VPS13C: variants seen among roughly 807,000 people sequenced by gnomAD.
The protein encoded by VPS13C is intermembrane lipid transfer protein VPS13C.
Under a neutral mutation model 456.8 loss-of-function variants are expected in VPS13C, and 358 were observed. That is an observed-to-expected ratio of 0.78 (90% CI 0.72 to 0.86). The LOEUF (loss-of-function observed/expected upper bound fraction) is 0.86. VPS13C is among the 40% of genes least tolerant of loss of function. VPS13C has a pLI of 0.00. For missense variants in VPS13C, 4,818 were observed against 4,385.4 expected (o/e 1.10, Z -2.79); for synonymous variants, 1,578 against 1,486.7 (o/e 1.06, Z -1.41).
chr15:62,028,766 T>C (rs1209647403), intron 5 of VPS13C, among the ~76,000 whole-genome samples: 3 of 152,108 alleles, frequency 2.0e-5, no homozygotes, highest in African/African-American at 7.2e-5. Flanking sequence ...TTGCATGCCA[T>C]TTTGTCCATT....
chr15:61,928,860 G>A (rs1219570314), intron 51 of VPS13C, among the ~76,000 whole-genome samples: 1 of 151,554 alleles, frequency 6.6e-6, no homozygotes, highest in Non-Finnish European at 1.5e-5. Flanking sequence ...CTCCAGCCTG[G>A]GTGATACAGT....
At chr15:62,022,719 T>C (rs537520045) in intron 8 of VPS13C, among the ~76,000 whole-genome samples, 3 of 152,020 alleles carry the variant, frequency 2.0e-5, no homozygotes, top group South Asian at 2.1e-4. Context: ...ACAAAAAGAA[T>C]GCAAACTCAT....
chr15:62,040,360 T>C (rs2048199344), intron 3 of VPS13C, among the ~76,000 whole-genome samples: 1 of 152,160 alleles, frequency 6.6e-6, no homozygotes, highest in Non-Finnish European at 1.5e-5. Flanking sequence ...AATTACATTA[T>C]TTGTAACACA....
intron 8 of VPS13C, 23 bp downstream of exon 8, chr15:62,023,388 C>G (rs943599027): frequency 1.7e-5 from 22 of 1,277,244 alleles, no homozygotes; most frequent in Admixed American, 2.7e-5. Flanking sequence ...TAATTATTAA[C>G]TGAGTAAATA....
intron 29 of VPS13C, among the ~76,000 whole-genome samples, chr15:61,966,846 C>T (rs534180402): frequency 5.3e-5 from 8 of 152,086 alleles, no homozygotes; most frequent in African/African-American, 1.7e-4. Flanking sequence ...ATCCCAAGCG[C>T]CTAACAGTAC....
At chr15:62,024,376 C>T (rs77581240) in intron 6 of VPS13C, among the ~76,000 whole-genome samples, 1,693 of 152,120 alleles carry the variant, frequency 0.011, 29 homozygotes, top group African/African-American at 0.039. Context: ...ATAACATGTA[C>T]ATTGGACTGT....
intron 6 of VPS13C, among the ~76,000 whole-genome samples, chr15:62,027,009 C>T (rs2047663301): frequency 6.6e-6 from 1 of 151,806 alleles, no homozygotes; most frequent in African/African-American, 2.4e-5. Flanking sequence ...TCAAATAATG[C>T]TTAGTATTAT....
intron 16 of VPS13C, among the ~76,000 whole-genome samples, chr15:61,998,699 G>C (rs1386520618): frequency 6.6e-6 from 1 of 152,120 alleles, no homozygotes; most frequent in Non-Finnish European, 1.5e-5. Flanking sequence ...AAGCATAACA[G>C]ACACTCAGTG....
At chr15:62,041,221 A>G in intron 3 of VPS13C, 103 bp downstream of exon 3, 1 of 1,236,498 alleles carries the variant, frequency 8.1e-7, no homozygotes, top group South Asian at 1.4e-5. Flanking sequence ...GCAAAAAAAA[A>G]TCTCTCACAC....
intron 83 of VPS13C, among the ~76,000 whole-genome samples, chr15:61,855,980 TG>T (rs1596258319): frequency 6.6e-6 from 1 of 151,738 alleles, no homozygotes; most frequent in Non-Finnish European, 1.5e-5. Flanking sequence ...TACAGCAACA[TG>T]GGTGTCCATA....
intron 1 of VPS13C, among the ~76,000 whole-genome samples, chr15:62,044,682 G>A (rs2048348058): frequency 1.3e-5 from 2 of 152,098 alleles, no homozygotes; most frequent in African/African-American, 4.8e-5. Context: ...TCAGAAACAT[G>A]GTGTTAGTCT....
chr15:62,033,599 G>A (rs758254371), intron 4 of VPS13C, 57 bp from the exon 5 acceptor site: 13 of 1,289,116 alleles, frequency 1.0e-5, no homozygotes, highest in South Asian at 7.3e-5. Context: ...ATAAACAAAC[G>A]GAAAAAGTTC....
Position 61,856,332 on chromosome 15 carries a change from A to T in VPS13C, c.11030T>A (p.Val3677Glu), listed in dbSNP as rs1171534582. The change falls in exon 83 of 85, where the codon GTA becomes GAA. Residue 3677 changes from valine (V) to glutamate (E), a missense_variant. Physicochemically the swap from Val to Glu is moderately radical, Grantham distance 121. Coordinates refer to ENST00000644861, the MANE Select transcript of VPS13C (RefSeq NM_020821.3). The stretch of plus-strand genomic sequence containing the variant: ...ATTTTCACTGACACTAGGAGGAAAT[A>T]CAAAATCTTCAAATGGACATTGCCA... ...VDWQCPFEDFVFPPSVSENVL... is the reference protein window; with the variant it reads ...VDWQCPFEDFEFPPSVSENVL... 6.2e-7 allele frequency: 1 copy of T among 1,613,446 alleles called. No homozygotes were observed. Among genetic ancestry groups the T allele is most frequent in the Admixed American group, 1.7e-5 (1 of 59,974 alleles).
rs2140825208 is a variant in VPS13C at position 61,853,647 on chromosome 15, T to A, written c.*810A>T. 6.6e-6 allele frequency: 1 copy of A among 152,340 alleles called. No individual in the cohort carries two copies. Among genetic ancestry groups the A allele is most frequent in the South Asian group, 2.1e-4 (1 of 4,832 alleles). 9.4% of individuals were successfully genotyped at this position (152,340 alleles called of 1,614,324 possible). On this transcript the variant is annotated 3_prime_UTR_variant, in exon 85 of 85. Coordinates refer to ENST00000644861, the MANE Select transcript of VPS13C (RefSeq NM_020821.3). ...TTCTCCCTTTAGTGACCTTTCTTCA[T>A]TCAATTACCTGGTTTACCAAGAATG...
chr15:62,021,174 G>A (rs1370177), intron 8 of VPS13C, among the ~76,000 whole-genome samples: 82,323 of 151,544 alleles, frequency 0.54, 22,678 homozygotes, highest in Admixed American at 0.62. Flanking sequence ...GTAAATGATA[G>A]GAAATTTATT....
intron 66 of VPS13C, among the ~76,000 whole-genome samples, chr15:61,894,566 A>G (rs71411469): frequency 0.056 from 8,565 of 152,194 alleles, 310 homozygotes; most frequent in Non-Finnish European, 0.08. Context: ...AACCAAGAAA[A>G]AAAAAAGAGT....
At chr15:61,864,523 A>C (rs1894407441) in intron 81 of VPS13C, 2 of 880,484 alleles carry the variant, frequency 2.3e-6, no homozygotes, top group South Asian at 1.0e-4. Context: ...TTTTACGACC[A>C]AGAATATAAT....
intron 58 of VPS13C, among the ~76,000 whole-genome samples, chr15:61,918,764 T>C (rs1195528731): frequency 6.6e-6 from 1 of 152,110 alleles, no homozygotes; most frequent in Non-Finnish European, 1.5e-5. Flanking sequence ...AAATGTTCTT[T>C]TGTTGACCAT....
In VPS13C at chr15:61,984,979, G is replaced by C. The variant is rs2140398885; in HGVS notation, c.1599C>G (p.Thr533=). 6.3e-7 allele frequency: 1 copy of C among 1,581,458 alleles called. No individual in the cohort carries two copies. The highest frequency in any genetic ancestry group is 2.3e-5 in the East Asian group (1 of 44,126). Reference sequence around the variant, plus strand: ...TAACAGAGGTGCTTACTAACTTCAGGGTCATAATATGGGCAACATACTATA... The same window carrying C: ...TAACAGAGGTGCTTACTAACTTCAGCGTCATAATATGGGCAACATACTATA... ...LPKQYVAHIM[T]LKLVSTSVTI... Residue 533 remains threonine, a synonymous_variant, in exon 19 of 85, where the codon ACC becomes ACG. Transcript: ENST00000644861.
Sources: allele counts gnomAD v4.1 joint callset (sites outside exome capture counted in the v4.1 genomes callset), GRCh38; gene constraint gnomAD v4.1.1; transcripts MANE v1.5; gene names NCBI Gene and HGNC (gene_info 2026-07-23, HGNC 2026-07-21).